Variants in ETS1 observed in about 807,000 individuals in gnomAD.
ETS1 encodes the protein protein C-ets-1.
ETS1 carries 15 observed loss-of-function variants against 58.6 expected under a neutral mutation model. That is an observed-to-expected ratio of 0.26 (90% CI 0.17 to 0.39). The LOEUF (loss-of-function observed/expected upper bound fraction) is 0.39. Ranked by LOEUF, ETS1 falls within the 10% of genes least tolerant of loss-of-function variation. The pLI, the probability that ETS1 is intolerant of heterozygous loss-of-function variation, is 1.00. For synonymous variants in ETS1, 214 were observed against 218.2 expected (o/e 0.98, Z 0.17); for missense variants, 417 against 610.5 (o/e 0.68, Z 3.34).
chr11:128,532,725 G>A (rs915634962), intron 3 of ETS1, among the ~76,000 whole-genome samples: 2 of 151,730 alleles, frequency 1.3e-5, no homozygotes, highest in African/African-American at 2.4e-5. Flanking sequence ...TACTGTTCTT[G>A]TTCTTCTTTT....
At chr11:128,483,904 T>A (rs959682807) in intron 7 of ETS1, among the ~76,000 whole-genome samples, 2 of 152,234 alleles carry the variant, frequency 1.3e-5, no homozygotes, top group Non-Finnish European at 2.9e-5. Flanking sequence ...CCATTTATAA[T>A]TCTTTCCCAT....
rs554535321 is a variant in ETS1 at position 128,468,382 on chromosome 11, A to G, written c.1124-4755T>C. Among the ~76,000 whole-genome samples, 94 of 152,272 alleles carry G rather than the reference A, an allele frequency of 6.2e-4. 1 individual carries two copies. Among genetic ancestry groups the G allele is most frequent in the African/African-American group, 2.2e-3 (92 of 41,550 alleles). ...GAGCAGCATAAATACATATATAGCA[A>G]TGGGCTAGGACAAGGTGTTAGTAAC... On this transcript the variant is annotated intron_variant, in intron 8 of 9. Transcript: ENST00000392668.
intron 3 of ETS1, among the ~76,000 whole-genome samples, chr11:128,533,766 C>T (rs566765499): frequency 1.3e-5 from 2 of 152,284 alleles, no homozygotes; most frequent in Non-Finnish European, 2.9e-5. Flanking sequence ...GGGGCGCTTA[C>T]GTTACCAAAA....
At chr11:128,546,053 G>A (rs1466398039) in intron 3 of ETS1, among the ~76,000 whole-genome samples, 7 of 152,146 alleles carry the variant, frequency 4.6e-5, no homozygotes, top group Non-Finnish European at 2.9e-5. Context: ...TTCAACCAGT[G>A]AACATTCACC....
chr11:128,509,448 G>C (rs1423752829), intron 3 of ETS1, among the ~76,000 whole-genome samples: 1 of 152,128 alleles, frequency 6.6e-6, no homozygotes, highest in African/African-American at 2.4e-5. Context: ...TGGAGAGTGG[G>C]GGCCAAAGCA....
chr11:128,566,129 T>G (rs936586949), intron 2 of ETS1, among the ~76,000 whole-genome samples: 2 of 152,204 alleles, frequency 1.3e-5, no homozygotes, highest in African/African-American at 4.8e-5. Flanking sequence ...AAGGGAGCTG[T>G]TTCTCATGCA....
chr11:128,495,966 T>C (rs1469737710), intron 3 of ETS1, among the ~76,000 whole-genome samples: 1 of 152,070 alleles, frequency 6.6e-6, no homozygotes, highest in Non-Finnish European at 1.5e-5. Flanking sequence ...ATACTACCCG[T>C]TTTTATTTCA....
chr11:128,480,480 G>A (rs771133508), intron 7 of ETS1, 29 bp from the exon 8 acceptor site: 3 of 1,543,822 alleles, frequency 1.9e-6, no homozygotes, highest in Non-Finnish European at 2.7e-6. Context: ...GTAGGAAGAG[G>A]ACAGGGGGAG....
At chr11:128,483,457 C>T (rs1452159413) in intron 7 of ETS1, among the ~76,000 whole-genome samples, 2 of 152,148 alleles carry the variant, frequency 1.3e-5, no homozygotes, top group African/African-American at 4.8e-5. Flanking sequence ...AATGCTTTGA[C>T]TCGCCTGATA....
At chr11:128,493,729 C>T (rs1565380308) in intron 3 of ETS1, among the ~76,000 whole-genome samples, 1 of 152,314 alleles carries the variant, frequency 6.6e-6, no homozygotes, top group African/African-American at 2.4e-5. Flanking sequence ...GTCAAACTCC[C>T]TTCTATAACT....
intron 2 of ETS1, among the ~76,000 whole-genome samples, chr11:128,564,978 A>G (rs1469114097): frequency 1.3e-5 from 2 of 151,664 alleles, no homozygotes; most frequent in Non-Finnish European, 2.9e-5. Flanking sequence ...AACAAGGCAT[A>G]CAAATACATG....
chr11:128,481,148 C>T (rs1862474168), intron 7 of ETS1, among the ~76,000 whole-genome samples: 1 of 100,288 alleles, frequency 1.0e-5, no homozygotes, highest in Admixed American at 1.0e-4. Flanking sequence ...AAACAGAAAA[C>T]CATATTCTTT....
chr11:128,560,408 C>T (rs372929350), intron 2 of ETS1, among the ~76,000 whole-genome samples: 7 of 152,204 alleles, frequency 4.6e-5, no homozygotes, highest in South Asian at 2.1e-4. Context: ...CCACCGCGCC[C>T]GGCCGAGATG....
At chr11:128,468,702 A>C (rs1862105010) in intron 8 of ETS1, among the ~76,000 whole-genome samples, 1 of 152,098 alleles carries the variant, frequency 6.6e-6, no homozygotes, top group Non-Finnish European at 1.5e-5. Context: ...TCCATAGTAC[A>C]TGGCTTACAC....
chr11:128,473,895 C>T (rs1455225881), intron 8 of ETS1, among the ~76,000 whole-genome samples: 1 of 152,170 alleles, frequency 6.6e-6, no homozygotes, highest in African/African-American at 2.4e-5. Context: ...TTTCCGAGGC[C>T]TGTTGTTTAA....
intron 8 of ETS1, among the ~76,000 whole-genome samples, chr11:128,467,333 C>T (rs765013804): frequency 1.3e-5 from 2 of 152,150 alleles, no homozygotes; most frequent in Admixed American, 6.5e-5. Context: ...GATCCACCAG[C>T]GACACCCACA....
intron 1 of ETS1, 31 bp from the exon 2 acceptor site, chr11:128,573,175 T>C: frequency 6.8e-7 from 1 of 1,472,392 alleles, no homozygotes; most frequent in Non-Finnish European, 9.3e-7. Context: ...GCTGAGCCTC[T>C]GGATGCTCAC....
rs1591610662 is a variant in ETS1, at chr11:128,489,414, T to C, written c.411A>G (p.Val137=). The C allele has an allele frequency of 6.2e-7, 1 of 1,614,160 alleles. No individual in the cohort carries two copies. Among genetic ancestry groups the C allele is most frequent in the Non-Finnish European group, 8.5e-7 (1 of 1,179,980 alleles). Residue 137 remains valine (V), a synonymous_variant, in exon 5 of 10, where the codon GTA becomes GTG. Coordinates refer to ENST00000392668, the MANE Select transcript of ETS1 (RefSeq NM_001143820.2). ...CATTCATACAGAACTTCTGGAAGTC[T>C]ACACCTTTCAGGCTGAATTCATTCA... ...WAVNEFSLKG[V]DFQKFCMNGA...
chr11:128,479,955 C>G (rs895812514), intron 8 of ETS1, among the ~76,000 whole-genome samples: 2 of 151,722 alleles, frequency 1.3e-5, no homozygotes, highest in African/African-American at 4.8e-5. Context: ...AGTTTCCTAC[C>G]ATTCTTGGAA....
Sources: gnomAD v4.1 joint callset for allele counts (sites outside exome capture counted in the v4.1 genomes callset) on GRCh38, gnomAD v4.1.1 for gene constraint, MANE v1.5 for transcripts, NCBI Gene and HGNC (gene_info 2026-07-23, HGNC 2026-07-21) for gene names.